The following FYN variants were observed in gnomAD, a reference collection of about 807,000 sequenced individuals.
FYN encodes tyrosine-protein kinase Fyn.
In FYN, 10 loss-of-function variants were observed where a neutral mutation model predicts 70.2. That is an observed-to-expected ratio of 0.14 (90% CI 0.09 to 0.24). The LOEUF is 0.24. Ranked by LOEUF, FYN falls within the 10% of genes least tolerant of loss-of-function variation. FYN has a pLI of 1.00. For synonymous variants in FYN, 236 were observed against 248.6 expected, an observed-to-expected ratio of 0.95 and a Z score of 0.48; for missense variants, 319 against 673.1, an observed-to-expected ratio of 0.47 and a Z score of 5.82.
chr6:111,853,566 C>T (rs937082158), intron 1 of FYN, among the ~76,000 whole-genome samples: 2 of 151,962 alleles, frequency 1.3e-5, no homozygotes, highest in East Asian at 3.9e-4. Context: ...ATCCTAATTG[C>T]GACAGGATGA....
At chr6:111,699,886 C>A in intron 9 of FYN, 1 of 627,446 alleles carries the variant, frequency 1.6e-6, no homozygotes, top group South Asian at 2.7e-5. Context: ...CAACTTGAGC[C>A]ATTTGCCAAT....
At chr6:111,865,363 G>T (rs1774075598) in intron 1 of FYN, among the ~76,000 whole-genome samples, 1 of 152,214 alleles carries the variant, frequency 6.6e-6, no homozygotes, top group Non-Finnish European at 1.5e-5. Flanking sequence ...AAATGGGAAA[G>T]CGCTCTCAAC....
chr6:111,662,606 GACA>G (rs1254886100), intron 13 of FYN, among the ~76,000 whole-genome samples: 3 of 151,866 alleles, frequency 2.0e-5, no homozygotes, highest in East Asian at 1.9e-4. Context: ...CAATTAAACT[GACA>G]ACAATATATG....
intron 3 of FYN, among the ~76,000 whole-genome samples, chr6:111,739,111 C>T (rs1442444631): frequency 6.6e-6 from 1 of 152,192 alleles, no homozygotes; most frequent in African/African-American, 2.4e-5. Context: ...GGGCAAAGTA[C>T]CAATGACCAT....
chr6:111,852,368 A>G (rs12528158), intron 1 of FYN, among the ~76,000 whole-genome samples: 11,211 of 152,224 alleles, frequency 0.074, 1,079 homozygotes, highest in African/African-American at 0.22. Flanking sequence ...GTGATACTGT[A>G]TCAAATGGTG....
chr6:111,670,274 T>C (rs905507261), intron 13 of FYN, among the ~76,000 whole-genome samples: 1 of 152,208 alleles, frequency 6.6e-6, no homozygotes, highest in Non-Finnish European at 1.5e-5. Context: ...GGAGGGTCTC[T>C]GCACTCTCCC....
chr6:111,754,992 G>A (rs1316066263), intron 3 of FYN, among the ~76,000 whole-genome samples: 2 of 149,232 alleles, frequency 1.3e-5, no homozygotes, highest in African/African-American at 2.5e-5. Context: ...TTTAAAGAAC[G>A]GATGGGTTGT....
At chr6:111,731,968 T>C (rs1055654292) in intron 3 of FYN, among the ~76,000 whole-genome samples, 7 of 152,130 alleles carry the variant, frequency 4.6e-5, no homozygotes, top group Non-Finnish European at 8.8e-5. Flanking sequence ...AGGAGGAACA[T>C]CAGTAAGAGG....
At chr6:111,804,969 G>C (rs1772102750) in intron 2 of FYN, among the ~76,000 whole-genome samples, 1 of 151,710 alleles carries the variant, frequency 6.6e-6, no homozygotes, top group African/African-American at 2.4e-5. Context: ...TTTCTTCCAG[G>C]CCTCTCTGCC....
chr6:111,673,251 T>TCCCGGAGTGTCTGCC (rs1374962442), intron 13 of FYN, among the ~76,000 whole-genome samples: 1 of 152,146 alleles, frequency 6.6e-6, no homozygotes, highest in Non-Finnish European at 1.5e-5. Flanking sequence ...GGTTGGCGAT[T>TCCCGGAGTGTCTGCC]CCCGGAGTGT....
intron 1 of FYN, among the ~76,000 whole-genome samples, chr6:111,865,084 A>T (rs941996205): frequency 2.6e-5 from 4 of 152,232 alleles, no homozygotes; most frequent in Non-Finnish European, 4.4e-5. Flanking sequence ...GCCAGAAACA[A>T]GTAGTCCTCT....
At chr6:111,805,273 G>A (rs914091753) in intron 2 of FYN, among the ~76,000 whole-genome samples, 1 of 152,154 alleles carries the variant, frequency 6.6e-6, no homozygotes, top group African/African-American at 2.4e-5. Flanking sequence ...TCTTTCTCAC[G>A]GAGCTGTCAA....
At chr6:111,762,726 T>C (rs1291288553) in intron 3 of FYN, among the ~76,000 whole-genome samples, 1 of 151,980 alleles carries the variant, frequency 6.6e-6, no homozygotes, top group East Asian at 1.9e-4. Flanking sequence ...CCTTTTGTCT[T>C]CCCTGGGCCA....
At chr6:111,851,080 G>A (rs149942906) in intron 1 of FYN, among the ~76,000 whole-genome samples, 199 of 152,264 alleles carry the variant, frequency 1.3e-3, no homozygotes, top group Non-Finnish European at 2.2e-3. Flanking sequence ...ATATGTGCAC[G>A]TTCAAAATGA....
chr6:111,763,580 A>G (rs1803092274), intron 3 of FYN, among the ~76,000 whole-genome samples: 1 of 152,236 alleles, frequency 6.6e-6, no homozygotes, highest in Non-Finnish European at 1.5e-5. Flanking sequence ...ATTGTGAACA[A>G]TTTCAAACAT....
chr6:111,730,926 G>C (rs192885013), intron 3 of FYN, among the ~76,000 whole-genome samples: 244 of 152,182 alleles, frequency 1.6e-3, no homozygotes, highest in Non-Finnish European at 2.9e-3. Context: ...GTCACATCTG[G>C]GCCACAGTGG....
chr6:111,767,457 A>C (rs1424185356), intron 3 of FYN, among the ~76,000 whole-genome samples: 2 of 152,176 alleles, frequency 1.3e-5, no homozygotes, highest in Non-Finnish European at 2.9e-5. Context: ...GCTGGAGTGC[A>C]GTGGCGCAAT....
At chr6:111,709,043 T>C (rs706873) in intron 5 of FYN, 13,727 of 152,180 alleles carry the variant, frequency 0.09, 1,933 homozygotes, top group African/African-American at 0.3. Context: ...ACTGAGTATC[T>C]GCAGAACCTT....
chr6:111,683,566 A>G (rs1276721573), intron 12 of FYN, among the ~76,000 whole-genome samples: 2 of 152,234 alleles, frequency 1.3e-5, no homozygotes, highest in Non-Finnish European at 2.9e-5. Context: ...AGCATTTTCA[A>G]GGAGGAAACC....
Sources: gnomAD v4.1 joint callset for allele counts (sites outside exome capture counted in the v4.1 genomes callset) on GRCh38, gnomAD v4.1.1 for gene constraint, MANE v1.5 for transcripts, NCBI Gene and HGNC (gene_info 2026-07-23, HGNC 2026-07-21) for gene names.